FLT1: variants seen among roughly 807,000 people sequenced by gnomAD.
FLT1 encodes the protein fms related receptor tyrosine kinase 1, also known as vascular endothelial growth factor receptor 1.
FLT1 carries 49 observed loss-of-function variants against 156.3 expected under a neutral mutation model. The ratio of observed to expected loss-of-function variants is 0.31; its 90% CI spans 0.25 to 0.40. The LOEUF (loss-of-function observed/expected upper bound fraction) is 0.40, where lower values mean the gene tolerates loss of function less well. Ranked by LOEUF, FLT1 falls within the 10% of genes least tolerant of loss-of-function variation. The probability of loss-of-function intolerance (pLI) is 1.00; values close to 1 mark genes in which losing one functional copy is unlikely to be tolerated. For missense variants in FLT1, 1,322 were observed against 1,637.2 expected (o/e 0.81, Z 3.32); for synonymous variants, 594 against 583.8 (o/e 1.02, Z -0.25).
chr13:28,353,830 T>A (rs940420544), intron 15 of FLT1, among the ~76,000 whole-genome samples: 1 of 152,172 alleles, frequency 6.6e-6, no homozygotes, highest in Non-Finnish European at 1.5e-5. Context: ...CTGTGATTAT[T>A]TAAAGAAGGT....
intron 20 of FLT1, among the ~76,000 whole-genome samples, chr13:28,326,985 A>G (rs2138837125): frequency 6.6e-6 from 1 of 152,356 alleles, no homozygotes; most frequent in East Asian, 1.9e-4. Flanking sequence ...GAAAAGAAAG[A>G]TAATGATTTT....
chr13:28,403,969 G>C (rs1478256498), intron 11 of FLT1, among the ~76,000 whole-genome samples: 1 of 151,578 alleles, frequency 6.6e-6, no homozygotes, highest in Non-Finnish European at 1.5e-5. Context: ...TTGAACCCGG[G>C]AGGCAGACGT....
chr13:28,385,897 T>C (rs1453667253), intron 13 of FLT1: 1 of 1,052,718 alleles, frequency 9.5e-7, no homozygotes, highest in East Asian at 5.4e-5. Flanking sequence ...CCTGCTGATG[T>C]GTATACATTC....
At chr13:28,494,341 C>T (rs1881635372) in intron 1 of FLT1, among the ~76,000 whole-genome samples, 1 of 152,236 alleles carries the variant, frequency 6.6e-6, no homozygotes, top group African/African-American at 2.4e-5. Context: ...GCCTGGCAGG[C>T]TTTCAGGAGC....
intron 3 of FLT1, among the ~76,000 whole-genome samples, chr13:28,452,244 G>C (rs911406667): frequency 6.6e-5 from 10 of 152,144 alleles, no homozygotes; most frequent in Non-Finnish European, 1.3e-4. Context: ...TAGAAAGACC[G>C]GGGGCTTTGG....
intron 10 of FLT1, among the ~76,000 whole-genome samples, chr13:28,412,389 T>TTTCCTTCTTTCTTTCC (rs1299227374): frequency 7.2e-6 from 1 of 139,120 alleles, no homozygotes; most frequent in African/African-American, 2.7e-5. Flanking sequence ...TCTTTCTTTC[T>TTTCCTTCTTTCTTTCC]TTCTTTCTTT....
chr13:28,425,950 ATC>A (rs1255459178), intron 10 of FLT1, among the ~76,000 whole-genome samples: 10 of 152,176 alleles, frequency 6.6e-5, no homozygotes, highest in Non-Finnish European at 1.5e-5. Context: ...CAAATGAGAA[ATC>A]AGATGTGTGG....
chr13:28,389,851 G>T lies in FLT1; in HGVS notation c.1914C>A (p.Ala638=). Residue 638 remains alanine, a synonymous_variant, in exon 13 of 30, where the codon GCC becomes GCA. Transcript: ENST00000282397. ...TTTCTTCCCCTGTGTATACATTCCT[G>T]GCTCTGCAGGCATAGGTGCCTGAAT... ...LQDSGTYACR[A]RNVYTGEEIL... 2.5e-6 allele frequency: 4 copies of T among 1,614,064 alleles called. No homozygotes were observed. Among genetic ancestry groups the T allele is most frequent in the Non-Finnish European group, 3.4e-6 (4 of 1,179,976 alleles).
At chr13:28,457,852 A>G (rs1365211372) in intron 3 of FLT1, among the ~76,000 whole-genome samples, 1 of 152,130 alleles carries the variant, frequency 6.6e-6, no homozygotes, top group Non-Finnish European at 1.5e-5. Context: ...TGTAGGGGAA[A>G]AATGAGAGAA....
intron 3 of FLT1, among the ~76,000 whole-genome samples, chr13:28,453,075 T>C (rs1593809265): frequency 9.9e-5 from 2 of 20,242 alleles, no homozygotes; most frequent in African/African-American, 3.5e-4. Flanking sequence ...TCCTTTCCTT[T>C]CCTTTCCTTT....
chr13:28,362,867 C>T (rs1263397962), intron 14 of FLT1, among the ~76,000 whole-genome samples: 1 of 152,160 alleles, frequency 6.6e-6, no homozygotes, highest in Admixed American at 6.6e-5. Context: ...CCAAATTCAA[C>T]AGGCAAAGCT....
At chr13:28,445,204 CA>C (rs1878543764) in intron 3 of FLT1, among the ~76,000 whole-genome samples, 1 of 152,060 alleles carries the variant, frequency 6.6e-6, no homozygotes, top group Non-Finnish European at 1.5e-5. Flanking sequence ...GGGCCAGGTG[CA>C]GTGGCTCATG....
chr13:28,395,611 C>T (rs1875000292), intron 12 of FLT1, among the ~76,000 whole-genome samples: 1 of 152,112 alleles, frequency 6.6e-6, no homozygotes, highest in Non-Finnish European at 1.5e-5. Flanking sequence ...AACGTGGTTA[C>T]TAGAAAGTTT....
At chr13:28,401,581 C>T (rs1248100324) in intron 11 of FLT1, among the ~76,000 whole-genome samples, 4 of 152,164 alleles carry the variant, frequency 2.6e-5, no homozygotes, top group Non-Finnish European at 1.5e-5. Context: ...ATATGGAACA[C>T]TGATTTTAAT....
At chr13:28,344,535 C>A (rs74915820) in intron 16 of FLT1, among the ~76,000 whole-genome samples, 27 of 152,332 alleles carry the variant, frequency 1.8e-4, no homozygotes, top group African/African-American at 6.5e-4. Flanking sequence ...GCCTGGCATG[C>A]TGCACTGAGT....
At chr13:28,387,982 T>C in intron 13 of FLT1, 2 of 1,060,624 alleles carry the variant, frequency 1.9e-6, no homozygotes, top group Non-Finnish European at 2.3e-6. Context: ...AGGTTCTGCA[T>C]GTCCAATTCA....
At chr13:28,321,627 TA>T in intron 22 of FLT1, 42 bp from the exon 23 acceptor site, 5 of 1,606,278 alleles carry the variant, frequency 3.1e-6, no homozygotes, top group Non-Finnish European at 4.3e-6. Flanking sequence ...TTCCTTAACC[TA>T]ACCAACTAAT....
intron 3 of FLT1, among the ~76,000 whole-genome samples, chr13:28,452,905 AT>A (rs1302390962): frequency 1.3e-5 from 2 of 149,992 alleles, no homozygotes; most frequent in African/African-American, 4.9e-5. Context: ...TGAAATTCCT[AT>A]TTTTAATGTC....
intron 14 of FLT1, among the ~76,000 whole-genome samples, chr13:28,366,850 C>T (rs1393398308): frequency 6.6e-6 from 1 of 152,198 alleles, no homozygotes; most frequent in African/African-American, 2.4e-5. Context: ...CTGGCACTTA[C>T]CTTTTTGTCA....
Sources: allele counts gnomAD v4.1 joint callset (sites outside exome capture counted in the v4.1 genomes callset), GRCh38; gene constraint gnomAD v4.1.1; transcripts MANE v1.5; gene names NCBI Gene and HGNC (gene_info 2026-07-23, HGNC 2026-07-21).